The following ESRRG variants were observed in gnomAD, a reference collection of about 807,000 sequenced individuals.
ESRRG encodes the protein estrogen-related receptor gamma.
ESRRG carries 13 observed loss-of-function variants against 44.0 expected under a neutral mutation model. That is an observed-to-expected ratio of 0.30 (90% confidence interval 0.19 to 0.47). ESRRG has a LOEUF of 0.47. Ranked by LOEUF, ESRRG falls within the 20% of genes least tolerant of loss-of-function variation. The probability of loss-of-function intolerance (pLI) is 1.00; values close to 1 mark genes in which losing one functional copy is unlikely to be tolerated. For missense variants in ESRRG, 395 were observed against 580.6 expected (o/e 0.68, Z 3.29); for synonymous variants, 215 against 214.6 (o/e 1.00, Z -0.02).
At chr1:216,763,746 A>G (rs1383514724) in intron 2 of ESRRG, among the ~76,000 whole-genome samples, 7 of 152,170 alleles carry the variant, frequency 4.6e-5, no homozygotes, top group Non-Finnish European at 8.8e-5. Flanking sequence ...TTGGATCCCA[A>G]CAGATGTAGA....
intron 1 of ESRRG, among the ~76,000 whole-genome samples, chr1:216,982,939 T>C (rs1054776143): frequency 2.6e-5 from 4 of 152,042 alleles, no homozygotes; most frequent in Non-Finnish European, 5.9e-5. Context: ...CAGATAATTA[T>C]ATCTATGAGC....
intron 2 of ESRRG, among the ~76,000 whole-genome samples, chr1:216,825,056 T>G (rs1378890012): frequency 2.6e-5 from 4 of 152,190 alleles, no homozygotes; most frequent in African/African-American, 9.7e-5. Context: ...TGCTTGTTTT[T>G]TACCAGAGCT....
At chr1:216,526,340 T>C (rs1184032680) in intron 5 of ESRRG, among the ~76,000 whole-genome samples, 1 of 152,086 alleles carries the variant, frequency 6.6e-6, no homozygotes, top group Admixed American at 6.6e-5. Flanking sequence ...CCTAATGTAA[T>C]ATGACTGTAT....
At chr1:216,685,789 G>A (rs1320561042) in intron 1 of ESRRG, among the ~76,000 whole-genome samples, 1 of 152,144 alleles carries the variant, frequency 6.6e-6, no homozygotes, top group African/African-American at 2.4e-5. Context: ...TCACAGTATT[G>A]ATGTCATTCT....
At chr1:216,828,790 C>T (rs1366737063) in intron 2 of ESRRG, among the ~76,000 whole-genome samples, 2 of 124,262 alleles carry the variant, frequency 1.6e-5, no homozygotes, top group Admixed American at 8.5e-5. Context: ...CTCATTGATG[C>T]TAGAACCCAT....
intron 2 of ESRRG, among the ~76,000 whole-genome samples, chr1:216,742,881 G>A (rs1026700441): frequency 1.3e-5 from 2 of 152,132 alleles, no homozygotes; most frequent in Non-Finnish European, 2.9e-5. Context: ...AAACTTAAGA[G>A]TTTAGGGAGA....
chr1:216,937,231 TAGTC>T (rs1157363548), intron 2 of ESRRG, among the ~76,000 whole-genome samples: 1 of 146,840 alleles, frequency 6.8e-6, no homozygotes, highest in Non-Finnish European at 1.5e-5. Context: ...ACAATAAAAA[TAGTC>T]AGGAAGAGCA....
At chr1:217,020,398 CACA>C (rs1473926686) in intron 1 of ESRRG, among the ~76,000 whole-genome samples, 5 of 152,088 alleles carry the variant, frequency 3.3e-5, no homozygotes, top group African/African-American at 4.8e-5. Context: ...GATTATCTAC[CACA>C]ACATTTTACA....
chr1:216,803,036 C>T (rs760065028), intron 2 of ESRRG, among the ~76,000 whole-genome samples: 5 of 152,064 alleles, frequency 3.3e-5, no homozygotes, highest in Non-Finnish European at 5.9e-5. Context: ...GATTCTGTGA[C>T]ATCAGCCAGG....
chr1:216,821,663 C>T (rs557871694), intron 2 of ESRRG, among the ~76,000 whole-genome samples: 8 of 125,072 alleles, frequency 6.4e-5, no homozygotes, highest in South Asian at 2.5e-4. Flanking sequence ...CCAGCCTGGG[C>T]GACAGAACAA....
chr1:216,732,673 G>A (rs1258597177), intron 2 of ESRRG, among the ~76,000 whole-genome samples: 2 of 151,856 alleles, frequency 1.3e-5, no homozygotes, highest in African/African-American at 4.8e-5. Context: ...GCATGGTGGC[G>A]TGCACATGTA....
At chr1:216,937,513 T>C (rs1004564410) in intron 2 of ESRRG, among the ~76,000 whole-genome samples, 13 of 152,184 alleles carry the variant, frequency 8.5e-5, no homozygotes, top group African/African-American at 3.1e-4. Context: ...TCTCCCACCC[T>C]CTGTGACAGA....
At chr1:216,531,876 T>C (rs1043098080) in intron 5 of ESRRG, among the ~76,000 whole-genome samples, 2 of 152,074 alleles carry the variant, frequency 1.3e-5, no homozygotes, top group African/African-American at 4.8e-5. Flanking sequence ...GCATTTACCT[T>C]TGTATCCCAC....
intron 1 of ESRRG, among the ~76,000 whole-genome samples, chr1:217,022,917 C>T (rs572930890): frequency 3.3e-5 from 5 of 152,232 alleles, no homozygotes; most frequent in African/African-American, 1.2e-4. Flanking sequence ...GGCAGACTAA[C>T]AATCCAGTGG....
At chr1:216,913,403 C>A (rs2060735873) in intron 2 of ESRRG, among the ~76,000 whole-genome samples, 1 of 152,112 alleles carries the variant, frequency 6.6e-6, no homozygotes, top group African/African-American at 2.4e-5. Context: ...CTACTGGAAA[C>A]AATCCTTCAT....
chr1:216,769,865 T>C (rs2093305325), intron 2 of ESRRG, among the ~76,000 whole-genome samples: 2 of 152,118 alleles, frequency 1.3e-5, no homozygotes, highest in African/African-American at 4.8e-5. Context: ...TGAGGTGGTA[T>C]GGAAACTATG....
intron 1 of ESRRG, among the ~76,000 whole-genome samples, chr1:216,968,840 C>T (rs1027362874): frequency 2.0e-5 from 3 of 151,956 alleles, no homozygotes; most frequent in Non-Finnish European, 2.9e-5. Context: ...ATTGAGTCTT[C>T]CTATCCATGA....
At chr1:216,675,435 G>C (rs1386771929) in intron 2 of ESRRG, among the ~76,000 whole-genome samples, 1 of 152,106 alleles carries the variant, frequency 6.6e-6, no homozygotes, top group East Asian at 1.9e-4. Flanking sequence ...ATCATGTTTT[G>C]TGAAAATATT....
chr1:217,038,162 C>T (rs2083243457), intron 1 of ESRRG, among the ~76,000 whole-genome samples: 1 of 152,218 alleles, frequency 6.6e-6, no homozygotes, highest in African/African-American at 2.4e-5. Context: ...CTCCACTAGG[C>T]AGTGCCCCAG....
Sources: allele counts gnomAD v4.1 joint callset (sites outside exome capture counted in the v4.1 genomes callset), GRCh38; gene constraint gnomAD v4.1.1; transcripts MANE v1.5; gene names NCBI Gene and HGNC (gene_info 2026-07-23, HGNC 2026-07-21).